The following ASH1L variants were observed in gnomAD, a reference collection of about 807,000 sequenced individuals.
ASH1L encodes the protein ASH1 like histone lysine methyltransferase, also known as histone-lysine N-methyltransferase ASH1L.
In ASH1L, 23 loss-of-function variants were observed where a neutral mutation model predicts 269.0. The ratio of observed to expected loss-of-function variants is 0.09; its 90% CI spans 0.06 to 0.12. The LOEUF is 0.12. ASH1L is among the 10% of genes least tolerant of loss of function. The pLI is 1.00. For missense variants in ASH1L, 2,912 were observed against 3,567.8 expected, an observed-to-expected ratio of 0.82 and a Z score of 4.68; for synonymous variants, 1,187 against 1,253.5, an observed-to-expected ratio of 0.95 and a Z score of 1.12.
At chr1:155,396,057 T>C (rs1658315351) in intron 6 of ASH1L, 1 of 152,302 alleles carries the variant, frequency 6.6e-6, no homozygotes, top group Non-Finnish European at 1.5e-5. Flanking sequence ...CCTCAGTTTC[T>C]TGCTCAACAT....
intron 7 of ASH1L, among the ~76,000 whole-genome samples, chr1:155,386,162 A>G (rs1657410995): frequency 6.7e-6 from 1 of 150,010 alleles, no homozygotes. Flanking sequence ...GTGCCTCCTG[A>G]GTTCAAGCGA....
At chr1:155,447,999 A>G (rs955411304) in intron 4 of ASH1L, among the ~76,000 whole-genome samples, 1 of 152,212 alleles carries the variant, frequency 6.6e-6, no homozygotes, top group African/African-American at 2.4e-5. Flanking sequence ...TTGAGATCTT[A>G]GATTTAAGCC....
intron 10 of ASH1L, among the ~76,000 whole-genome samples, chr1:155,371,870 T>C (rs1377795724): frequency 6.6e-6 from 1 of 151,982 alleles, no homozygotes; most frequent in Non-Finnish European, 1.5e-5. Context: ...TTTTTTGTAT[T>C]TTCAGTAGAG....
Position 155,478,271 on chromosome 1 carries a change from C to T in ASH1L, c.4599G>A (p.Lys1533=). 1 of 1,614,062 alleles carries T rather than the reference C, an allele frequency of 6.2e-7. No individual in the cohort carries two copies. Among genetic ancestry groups the T allele is most frequent in the Non-Finnish European group, 8.5e-7 (1 of 1,180,018 alleles). ...AVGERYKHKE[K]HRCHMSCPHL... ...GAGGGCAGGACATGTGACAACGGTGCTTTTCCTTATGCTTATATCGCTCTC... is the reference window on the plus strand; with the variant it reads ...GAGGGCAGGACATGTGACAACGGTGTTTTTCCTTATGCTTATATCGCTCTC... The change falls in exon 3 of 28, where the codon AAG becomes AAA. Residue 1533 remains lysine (K), a synonymous_variant. Coordinates refer to ENST00000392403, the MANE Select transcript of ASH1L (RefSeq NM_018489.3). This position sits in a 1 kb window ranked among gnomAD's most constrained non-coding sequence, Gnocchi z 4.6.
Position 155,355,998 on chromosome 1 carries a change from C to T in ASH1L, c.7055+1318G>A, listed in dbSNP as rs1250509178. Among the ~76,000 whole-genome samples the T allele has an allele frequency of 2.0e-5, 3 of 148,216 alleles. No individual in the cohort carries two copies. The Admixed American group carries it at 2.1e-4, about 10-fold the overall frequency. On this transcript the variant is annotated intron_variant, in intron 15 of 27. Transcript: ENST00000392403. ...TGCTGCCCAGGCTAGAGTGCAATGGCGTGATCTTGGTTCACTGCAACCTCC... is the reference window on the plus strand; with the variant it reads ...TGCTGCCCAGGCTAGAGTGCAATGGTGTGATCTTGGTTCACTGCAACCTCC...
intron 10 of ASH1L, among the ~76,000 whole-genome samples, chr1:155,376,002 G>A (rs1209380935): frequency 1.3e-5 from 2 of 152,260 alleles, no homozygotes; most frequent in East Asian, 3.9e-4. Flanking sequence ...TACTCAGGAG[G>A]CTAACATGGG....
intron 4 of ASH1L, among the ~76,000 whole-genome samples, chr1:155,458,642 A>G (rs1664043746): frequency 6.6e-6 from 1 of 152,166 alleles, no homozygotes; most frequent in Non-Finnish European, 1.5e-5. Flanking sequence ...ACTTGAACCC[A>G]GGAGTCAGTG....
rs1665802503 is a variant in ASH1L, at chr1:155,479,469, G to C, written c.3401C>G (p.Pro1134Arg). The C allele has an allele frequency of 6.2e-7, 1 of 1,614,048 alleles. No homozygotes were observed. The change falls in exon 3 of 28, where the codon CCA becomes CGA. Residue 1134 changes from proline (P) to arginine (R), a missense_variant. Pro to Arg is a moderately radical substitution (Grantham distance 103, BLOSUM62 -2). This residue lies in a region of ASH1L where 157 missense variants were observed against 154.6 expected (regional missense o/e 1.02). Transcript: ENST00000392403. ...CTGTCTGGAGTGTAAATGCAAATAT[G>C]GCACTGAACTGGGTTCAACAAAACC... ...DAGFVEPSSV[P>R]YLHLHSRQGS...
chr1:155,353,652 T>TG (rs1181839785), intron 16 of ASH1L, among the ~76,000 whole-genome samples: 7 of 152,174 alleles, frequency 4.6e-5, no homozygotes, highest in African/African-American at 1.4e-4. Flanking sequence ...GGAAATCTGA[T>TG]GGTTTGTGAG....
intron 2 of ASH1L, among the ~76,000 whole-genome samples, chr1:155,510,966 C>T (rs1668124543): frequency 1.3e-5 from 2 of 152,090 alleles, no homozygotes; most frequent in African/African-American, 4.8e-5. Context: ...TAGAAATTGA[C>T]AGTTGAAAAT....
intron 6 of ASH1L, among the ~76,000 whole-genome samples, chr1:155,401,840 G>A (rs879654146): frequency 6.6e-6 from 1 of 151,572 alleles, no homozygotes; most frequent in African/African-American, 2.4e-5. Context: ...TGTAATCCCA[G>A]CACTTTGGGA....
In ASH1L at chr1:155,411,591, ATATAT is replaced by A. The variant is rs1659798784; in HGVS notation, c.6008+4148_6008+4152del. Among the ~76,000 whole-genome samples, 122 of 42,868 alleles carry A rather than the reference ATATAT, an allele frequency of 2.8e-3. 8 individuals carry two copies. Among genetic ancestry groups the A allele is most frequent in the East Asian group, 0.024 (43 of 1,800 alleles). 28.1% of individuals were successfully genotyped at this position (42,868 alleles called of 152,430 possible). On this transcript the variant is annotated intron_variant, in intron 6 of 27. Coordinates refer to ENST00000392403, the MANE Select transcript of ASH1L (RefSeq NM_018489.3). ...TGAATATAAATAAATAAATAAATAT[ATATAT>A]ATATATATATATATATATATATGTT...
intron 7 of ASH1L, among the ~76,000 whole-genome samples, chr1:155,382,966 G>A (rs1431176575): frequency 6.6e-6 from 1 of 152,128 alleles, no homozygotes; most frequent in African/African-American, 2.4e-5. Flanking sequence ...CAAGCGATCT[G>A]CCTGCCCTGG....
At chr1:155,450,368 CATT>C (rs1220756938) in intron 4 of ASH1L, among the ~76,000 whole-genome samples, 26 of 152,186 alleles carry the variant, frequency 1.7e-4, no homozygotes, top group African/African-American at 6.3e-4. Flanking sequence ...AAATATTAAA[CATT>C]ATTTCTTCAA....
chr1:155,388,845 G>A (rs982921477), intron 7 of ASH1L, among the ~76,000 whole-genome samples: 18 of 150,974 alleles, frequency 1.2e-4, no homozygotes, highest in Admixed American at 2.0e-4. Context: ...TCAGCCTCCT[G>A]AGTAGGCATG....
At chr1:155,537,753 T>A (rs5020059) in intron 1 of ASH1L, among the ~76,000 whole-genome samples, 141,821 of 151,908 alleles carry the variant, frequency 0.93, 66,966 homozygotes, top group East Asian at 1. Context: ...TTTTTTTTTT[T>A]AAAAAAAGCT....
At chr1:155,516,037 A>G (rs1668482092) in intron 2 of ASH1L, among the ~76,000 whole-genome samples, 1 of 151,870 alleles carries the variant, frequency 6.6e-6, no homozygotes, top group Admixed American at 6.6e-5. Flanking sequence ...ACTGCCTTCT[A>G]TCGTTCTGTT....
rs1417674558 is a variant in ASH1L, at chr1:155,516,113, A to G, written c.420+4987T>C. 2.0e-5 allele frequency among the ~76,000 whole-genome samples: 3 copies of G among 152,094 alleles called. No homozygotes were observed. In the East Asian group the frequency reaches 5.8e-4, roughly 29 times the overall value. On this transcript the variant is annotated intron_variant, in intron 2 of 27. Transcript: ENST00000392403. ...CTACTTTCAGTATACTAGTTGTTTA[A>G]GTTCTTCTACCGGTAAGGACCACTA...
At position 155,481,307 on chromosome 1, in the gene ASH1L, C is replaced by G. The variant is rs781634198; in HGVS notation, c.1563G>C (p.Lys521Asn). ...KGSYETSKHE[K>N]QPPVYCTSPD... ...GAGAAGTGCAATATACAGGAGGCTG[C>G]TTTTCATGCTTTGAGGTTTCATAAG... Residue 521 changes from lysine to asparagine, a missense_variant, in exon 3 of 28, where the codon AAG (lysine) becomes AAC (asparagine). Physicochemically the swap from Lys to Asn is moderately conservative, Grantham distance 94. Coordinates refer to ENST00000392403, the MANE Select transcript of ASH1L (RefSeq NM_018489.3). 1.2e-6 allele frequency: 2 copies of G among 1,614,152 alleles called. No individual in the cohort carries two copies. The highest frequency in any genetic ancestry group is 3.3e-5 in the Admixed American group (2 of 60,014).
Sources: allele counts gnomAD v4.1 joint callset (sites outside exome capture counted in the v4.1 genomes callset), GRCh38; gene constraint gnomAD v4.1.1; regional missense constraint gnomAD v4.1.1; non-coding constraint Gnocchi (gnomAD v3.1); transcripts MANE v1.5; gene names NCBI Gene and HGNC (gene_info 2026-07-23, HGNC 2026-07-21).